Variants in P4HA1 observed in about 807,000 individuals in gnomAD.
P4HA1 encodes the protein prolyl 4-hydroxylase subunit alpha-1.
In P4HA1, 24 loss-of-function variants were observed where a neutral mutation model predicts 72.8. The observed-to-expected ratio is 0.33, with a 90% CI of 0.24 to 0.46. The LOEUF (loss-of-function observed/expected upper bound fraction) is 0.46. Among genes scored for constraint, P4HA1 ranks in the 20% least tolerant of loss-of-function variants. The pLI is 1.00. For missense variants in P4HA1, 446 were observed against 640.6 expected (o/e 0.70, Z 3.28); for synonymous variants, 201 against 218.8 (o/e 0.92, Z 0.72).
chr10:73,030,486 G>A (rs1052430731), intron 9 of P4HA1, 116 bp from the exon 10 acceptor site: 6 of 434,260 alleles, frequency 1.4e-5, no homozygotes, highest in Admixed American at 4.1e-5. Context: ...TTTACTGAAG[G>A]CATTTAGTTC....
chr10:73,091,398 C>A (rs1842028666), intron 1 of P4HA1, among the ~76,000 whole-genome samples: 1 of 152,056 alleles, frequency 6.6e-6, no homozygotes, highest in African/African-American at 2.4e-5. Context: ...AACTCCTGGG[C>A]TCCAGAGATC....
intron 11 of P4HA1, 111 bp from the exon 12 acceptor site, chr10:73,014,400 C>A: frequency 3.8e-6 from 3 of 779,994 alleles, no homozygotes; most frequent in Admixed American, 4.3e-5. Flanking sequence ...CAACAACAAC[C>A]GCAAAAGTTT....
At chr10:73,069,326 A>G (rs1283009434) in intron 4 of P4HA1, among the ~76,000 whole-genome samples, 1 of 152,218 alleles carries the variant, frequency 6.6e-6, no homozygotes, top group African/African-American at 2.4e-5. Flanking sequence ...AGAAATGAAC[A>G]CATTTATGGG....
chr10:73,072,271 T>G (rs1841581725), intron 3 of P4HA1, 91 bp from the exon 4 acceptor site: 5 of 1,033,994 alleles, frequency 4.8e-6, no homozygotes, highest in Non-Finnish European at 7.1e-6. Flanking sequence ...TGACTAGAAG[T>G]TTTTGAGTTC....
chr10:73,061,033 G>GA (rs1034089873), intron 5 of P4HA1, among the ~76,000 whole-genome samples: 2 of 152,060 alleles, frequency 1.3e-5, no homozygotes, highest in South Asian at 2.1e-4. Flanking sequence ...ATAATGGAAT[G>GA]AAAAAAATCA....
intron 11 of P4HA1, among the ~76,000 whole-genome samples, chr10:73,015,270 C>G (rs1052776695): frequency 2.0e-4 from 31 of 152,092 alleles, no homozygotes; most frequent in African/African-American, 7.5e-4. Context: ...AATGAAAATG[C>G]ATTTTTCACA....
At chr10:73,066,465 C>T (rs1169500501) in intron 5 of P4HA1, among the ~76,000 whole-genome samples, 2 of 151,968 alleles carry the variant, frequency 1.3e-5, no homozygotes, top group African/African-American at 4.8e-5. Context: ...ATCTAAATAA[C>T]ATTTATTACC....
At chr10:73,021,741 G>C (rs921970708) in intron 10 of P4HA1, among the ~76,000 whole-genome samples, 12 of 152,160 alleles carry the variant, frequency 7.9e-5, no homozygotes, top group Non-Finnish European at 1.5e-4. Context: ...CCTAGCAAAG[G>C]GAAGCCATGA....
At chr10:73,073,054 C>A (rs2133133950) in intron 3 of P4HA1, among the ~76,000 whole-genome samples, 1 of 151,210 alleles carries the variant, frequency 6.6e-6, no homozygotes, top group East Asian at 2.0e-4. Context: ...CCTGTAATCC[C>A]AGCTACTTGG....
At chr10:73,083,774 AG>A (rs1198008938) in intron 1 of P4HA1, among the ~76,000 whole-genome samples, 2 of 152,206 alleles carry the variant, frequency 1.3e-5, no homozygotes, top group Non-Finnish European at 2.9e-5. Context: ...CAAGTGACAG[AG>A]TGGAACTTGG....
In P4HA1 at chr10:73,043,764, T is replaced by A. The variant is rs1840790340; in HGVS notation, c.1148+1217A>T. The A allele has an allele frequency of 7.9e-6, 6 of 758,430 alleles. 1 individual carries two copies. In the South Asian group the frequency reaches 9.3e-5, roughly 12 times the overall value. The allele number at this position is 758,430 out of a possible 1,614,324, so 47.0% of individuals were successfully genotyped here. A position where few individuals can be genotyped will look rare whatever the true frequency, so the allele number is the denominator to read the frequency against. ...CGTCATGAAAACTCCAGCACAGATATTATCAAACATCTATGCCTAACCACC... is the reference window on the plus strand; with the variant it reads ...CGTCATGAAAACTCCAGCACAGATAATATCAAACATCTATGCCTAACCACC... On this transcript the variant is annotated intron_variant, in intron 9 of 14. Coordinates refer to ENST00000394890, the MANE Select transcript of P4HA1 (RefSeq NM_001017962.3).
intron 12 of P4HA1, among the ~76,000 whole-genome samples, chr10:73,011,365 A>G (rs1404696591): frequency 6.6e-6 from 1 of 152,172 alleles, no homozygotes; most frequent in East Asian, 1.9e-4. Flanking sequence ...ACAGATATAA[A>G]TATGTATTTT....
At chr10:73,068,676 T>C (rs1026750944) in intron 5 of P4HA1, among the ~76,000 whole-genome samples, 170 bp downstream of exon 5, 1 of 152,178 alleles carries the variant, frequency 6.6e-6, no homozygotes, top group African/African-American at 2.4e-5. Context: ...TACCCGTAAC[T>C]ATTAAGCCCT....
chr10:73,073,220 CTTTTT>C (rs573264487), intron 3 of P4HA1, among the ~76,000 whole-genome samples: 3 of 116,166 alleles, frequency 2.6e-5, no homozygotes, highest in Non-Finnish European at 3.5e-5. Flanking sequence ...CATCCATATT[CTTTTT>C]TTTTTTTTTT....
rs1019669508 is a variant in P4HA1 at position 73,060,441 on chromosome 10, G to A, written c.464-6851C>T. ...AATCAAGCCTTGCCAGGCAAGGAGTGGAAAACCTGTAGTCCCAGCTACTCA... is the reference window on the plus strand; with the variant it reads ...AATCAAGCCTTGCCAGGCAAGGAGTAGAAAACCTGTAGTCCCAGCTACTCA... On this transcript the variant is annotated intron_variant, in intron 5 of 14. Transcript: ENST00000394890. Among the ~76,000 whole-genome samples, 3 of 152,106 alleles carry A rather than the reference G, an allele frequency of 2.0e-5. No homozygotes were observed. In the East Asian group the frequency reaches 5.8e-4, roughly 29 times the overall value.
chr10:73,067,168 C>T (rs1490900307), intron 5 of P4HA1, among the ~76,000 whole-genome samples: 2 of 152,094 alleles, frequency 1.3e-5, no homozygotes, highest in African/African-American at 4.8e-5. Flanking sequence ...CATGCCAGCC[C>T]TATTTTGTTA....
intron 6 of P4HA1, among the ~76,000 whole-genome samples, chr10:73,052,307 A>G (rs1841040053): frequency 6.6e-6 from 1 of 152,194 alleles, no homozygotes; most frequent in African/African-American, 2.4e-5. Context: ...TTAGATTGTA[A>G]AATATTTCTT....
intron 5 of P4HA1, among the ~76,000 whole-genome samples, chr10:73,061,207 A>T (rs1841303118): frequency 6.6e-6 from 1 of 152,198 alleles, no homozygotes; most frequent in African/African-American, 2.4e-5. Flanking sequence ...ACAGGACATT[A>T]GGTGTTGGTT....
At chr10:73,083,922 T>G (rs1841873540) in intron 1 of P4HA1, among the ~76,000 whole-genome samples, 1 of 152,228 alleles carries the variant, frequency 6.6e-6, no homozygotes, top group Admixed American at 6.5e-5. Flanking sequence ...CATCTACACT[T>G]CTTTGATAAA....
Sources: gnomAD v4.1 joint callset for allele counts (sites outside exome capture counted in the v4.1 genomes callset) on GRCh38, gnomAD v4.1.1 for gene constraint, MANE v1.5 for transcripts, NCBI Gene and HGNC (gene_info 2026-07-23, HGNC 2026-07-21) for gene names.